The following TNRC6A variants were observed in gnomAD, a reference collection of about 807,000 sequenced individuals.
TNRC6A encodes the protein trinucleotide repeat-containing gene 6A protein.
TNRC6A carries 44 observed loss-of-function variants against 221.2 expected under a neutral mutation model. That is an observed-to-expected ratio of 0.20 (90% CI 0.16 to 0.26). The LOEUF is 0.26. Ranked by LOEUF, TNRC6A falls within the 10% of genes least tolerant of loss-of-function variation. The probability of loss-of-function intolerance (pLI) is 1.00; values close to 1 mark genes in which losing one functional copy is unlikely to be tolerated. For synonymous variants in TNRC6A, 847 were observed against 838.5 expected (o/e 1.01, Z -0.18); for missense variants, 2,199 against 2,404.4 (o/e 0.91, Z 1.79).
intron 11 of TNRC6A, among the ~76,000 whole-genome samples, chr16:24,799,398 G>C (rs567338007): frequency 3.9e-5 from 6 of 152,158 alleles, no homozygotes; most frequent in African/African-American, 1.4e-4. Flanking sequence ...ACGCAACTCT[G>C]TATTTCTGCT....
At chr16:24,819,703 G>T in intron 21 of TNRC6A, 1 of 210,148 alleles carries the variant, frequency 4.8e-6, no homozygotes, top group East Asian at 1.3e-4. Flanking sequence ...ACCCCGTGAA[G>T]ATCTCCTTTG....
At chr16:24,644,404 C>T (rs1458506285) in intron 2 of TNRC6A, among the ~76,000 whole-genome samples, 6 of 151,948 alleles carry the variant, frequency 3.9e-5, no homozygotes, top group Non-Finnish European at 1.5e-5. Flanking sequence ...AAGTAATCCT[C>T]CCGCCCCGGC....
intron 4 of TNRC6A, among the ~76,000 whole-genome samples, chr16:24,769,284 T>C (rs1397492639): frequency 1.3e-5 from 2 of 152,154 alleles, no homozygotes; most frequent in Non-Finnish European, 2.9e-5. Flanking sequence ...ATTGGTGCAT[T>C]TCATTGTTTC....
At chr16:24,757,965 C>T (rs576676093) in intron 3 of TNRC6A, among the ~76,000 whole-genome samples, 2 of 152,198 alleles carry the variant, frequency 1.3e-5, no homozygotes. Context: ...GCCATTTAAA[C>T]ATGCAAAATA....
At chr16:24,708,721 C>T (rs2056147167) in intron 2 of TNRC6A, among the ~76,000 whole-genome samples, 2 of 152,148 alleles carry the variant, frequency 1.3e-5, no homozygotes, top group South Asian at 4.1e-4. Context: ...CATAGCTTAG[C>T]TCCCATTTAT....
chr16:24,748,913 C>T (rs1339832262), intron 2 of TNRC6A, among the ~76,000 whole-genome samples: 3 of 152,028 alleles, frequency 2.0e-5, no homozygotes, highest in Admixed American at 6.6e-5. Context: ...CTTGCTCTGT[C>T]GCCCAGGCTG....
At chr16:24,629,994 A>G (rs1160311749) in intron 1 of TNRC6A, among the ~76,000 whole-genome samples, 1 of 152,018 alleles carries the variant, frequency 6.6e-6, no homozygotes, top group African/African-American at 2.4e-5. Context: ...TGCACATAAC[A>G]TAATATTTGC....
chr16:24,723,626 G>A (rs963881321), intron 2 of TNRC6A, among the ~76,000 whole-genome samples: 19 of 150,586 alleles, frequency 1.3e-4, no homozygotes, highest in Non-Finnish European at 2.8e-4. Flanking sequence ...TAGAAGTTGT[G>A]GATGCTGGAC....
intron 2 of TNRC6A, among the ~76,000 whole-genome samples, chr16:24,660,072 A>T (rs1031398520): frequency 1.1e-4 from 17 of 151,044 alleles, no homozygotes; most frequent in South Asian, 8.3e-4. Flanking sequence ...ATTTTATTTT[A>T]TTTTTTTAAC....
chr16:24,662,399 A>G (rs145698737), intron 2 of TNRC6A: 2 of 151,948 alleles, frequency 1.3e-5, no homozygotes, highest in African/African-American at 4.8e-5. Context: ...CTGTGGAATC[A>G]CTTGAGCGTG....
chr16:24,771,582 T>TTATGTTATGTTATGTTA, intron 4 of TNRC6A, among the ~76,000 whole-genome samples: 58 of 95,548 alleles, frequency 6.1e-4, no homozygotes, highest in South Asian at 1.7e-3. Flanking sequence ...TTATGTTATG[T>TTATGTTATGTTATGTTA]TGTTATGTTA....
At chr16:24,764,753 A>C (rs1189870220) in intron 4 of TNRC6A, among the ~76,000 whole-genome samples, 1 of 152,218 alleles carries the variant, frequency 6.6e-6, no homozygotes, top group Non-Finnish European at 1.5e-5. Context: ...TTGGGTATAC[A>C]GTAATCCCCC....
intron 2 of TNRC6A, among the ~76,000 whole-genome samples, chr16:24,722,350 G>T (rs2056423797): frequency 6.6e-6 from 1 of 152,114 alleles, no homozygotes; most frequent in Non-Finnish European, 1.5e-5. Flanking sequence ...GGAGTTTGAG[G>T]CTGCAACGAG....
At position 24,651,538 on chromosome 16, in the gene TNRC6A, C is replaced by CAAA. The variant is rs768568973; in HGVS notation, n.402+10553_402+10555dup. ...GGGCAACAAGAGGAAAACTCCATCTCAAAAAAAAAAAAAAAAAAAAAAAAA... is the reference window on the plus strand; with the variant it reads ...GGGCAACAAGAGGAAAACTCCATCTCAAAAAAAAAAAAAAAAAAAAAAAAAAAA... On this transcript the variant is annotated intron_variant and non_coding_transcript_variant, in intron 2 of 2. Coordinates refer to the TNRC6A transcript ENST00000566108. 5.8e-3 allele frequency among the ~76,000 whole-genome samples: 283 copies of CAAA among 48,750 alleles called. 12 individuals are homozygous for CAAA. The highest frequency in any genetic ancestry group is 0.017 in the African/African-American group (265 of 15,636). The allele number at this position is 48,750 out of a possible 152,430, so 32.0% of individuals were successfully genotyped here.
chr16:24,777,460 G>C, intron 5 of TNRC6A, 102 bp downstream of exon 5: 1 of 1,150,258 alleles, frequency 8.7e-7, no homozygotes, highest in Non-Finnish European at 1.2e-6. Context: ...GTATTCATCA[G>C]TATGTGGGCT....
At chr16:24,718,618 C>G (rs1209895061) in intron 2 of TNRC6A, among the ~76,000 whole-genome samples, 7 of 152,166 alleles carry the variant, frequency 4.6e-5, no homozygotes, top group Admixed American at 4.6e-4. Context: ...TTTTACGCTA[C>G]ACAAGGGGTT....
intron 3 of TNRC6A, among the ~76,000 whole-genome samples, chr16:24,757,379 G>A (rs1415114831): frequency 6.6e-6 from 1 of 152,156 alleles, no homozygotes; most frequent in East Asian, 1.9e-4. Context: ...ATATAACTAA[G>A]CAAAATGAAT....
intron 4 of TNRC6A, among the ~76,000 whole-genome samples, chr16:24,769,754 G>A (rs1033477487): frequency 3.3e-5 from 5 of 152,080 alleles, no homozygotes; most frequent in African/African-American, 1.2e-4. Context: ...TCTTCCTCTT[G>A]ATCATTCTTT....
intron 2 of TNRC6A, among the ~76,000 whole-genome samples, chr16:24,693,852 A>G (rs1371713928): frequency 1.3e-5 from 2 of 148,762 alleles, no homozygotes; most frequent in African/African-American, 5.0e-5. Context: ...GTGAGCCAAG[A>G]CCGCCACTGC....
Sources: gnomAD v4.1 joint callset for allele counts (sites outside exome capture counted in the v4.1 genomes callset) on GRCh38, gnomAD v4.1.1 for gene constraint, MANE v1.5 for transcripts, NCBI Gene and HGNC (gene_info 2026-07-23, HGNC 2026-07-21) for gene names.